TINAG: variants seen among roughly 807,000 people sequenced by gnomAD.
The protein encoded by TINAG is tubulointerstitial nephritis antigen.
In TINAG, 83 loss-of-function variants were observed where a neutral mutation model predicts 72.7. The ratio of observed to expected loss-of-function variants is 1.14; its 90% CI spans 0.96 to 1.37. The LOEUF is 1.37. Among genes scored for constraint, TINAG ranks in the 40% most tolerant of loss-of-function variants. TINAG has a pLI of 0.00. For synonymous variants in TINAG, 234 were observed against 189.9 expected, an observed-to-expected ratio of 1.23 and a Z score of -1.91; for missense variants, 685 against 576.6, an observed-to-expected ratio of 1.19 and a Z score of -1.93.
chr6:54,341,265 C>T (rs1361784358), intron 4 of TINAG, among the ~76,000 whole-genome samples: 1 of 152,084 alleles, frequency 6.6e-6, no homozygotes, highest in Non-Finnish European at 1.5e-5. Context: ...TCTGCCTCAG[C>T]TAGGAAGGCA....
intron 1 of TINAG, among the ~76,000 whole-genome samples, chr6:54,316,148 A>G (rs1376896942): frequency 6.6e-6 from 1 of 152,172 alleles, no homozygotes. Context: ...TCTGTTACCT[A>G]TACAGTGGCT....
intron 7 of TINAG, among the ~76,000 whole-genome samples, chr6:54,350,296 GAA>G (rs898179913): frequency 1.3e-5 from 2 of 151,854 alleles, no homozygotes; most frequent in Non-Finnish European, 2.9e-5. Flanking sequence ...GGGTCTAATA[GAA>G]AAAAGAGTCC....
At chr6:54,384,216 T>A (rs1490537889) in intron 10 of TINAG, among the ~76,000 whole-genome samples, 1 of 151,882 alleles carries the variant, frequency 6.6e-6, no homozygotes, top group African/African-American at 2.4e-5. Flanking sequence ...GGTGGGGGGC[T>A]AGGAGAGGGA....
chr6:54,345,800 A>G (rs543632141), intron 5 of TINAG, among the ~76,000 whole-genome samples: 9 of 152,196 alleles, frequency 5.9e-5, no homozygotes, highest in Non-Finnish European at 1.0e-4. Flanking sequence ...CAATTTCCCT[A>G]AAGCATTGTA....
At chr6:54,319,600 TA>T (rs1178763579) in intron 1 of TINAG, among the ~76,000 whole-genome samples, 1 of 152,176 alleles carries the variant, frequency 6.6e-6, no homozygotes, top group African/African-American at 2.4e-5. Flanking sequence ...TTTATTACAA[TA>T]TTTTTTGGAA....
At chr6:54,345,021 T>C (rs546368089) in intron 5 of TINAG, among the ~76,000 whole-genome samples, 28 of 152,262 alleles carry the variant, frequency 1.8e-4, no homozygotes, top group African/African-American at 5.5e-4. Context: ...TAAAAACTTA[T>C]GTAATCAAAT....
Position 54,380,518 on chromosome 6 carries a change from A to G in TINAG, c.1251-8A>G, listed in dbSNP as rs1763915172. On this transcript the variant is annotated splice_polypyrimidine_tract_variant and splice_region_variant and intron_variant, in intron 9 of 10. Transcript: ENST00000259782. Reference sequence around the variant, plus strand: ...CATACCAATCTTTATTATTGTTATTAATTGTAGATGGGGCACACTGAGAGG... The same window carrying G: ...CATACCAATCTTTATTATTGTTATTGATTGTAGATGGGGCACACTGAGAGG... 6.2e-7 allele frequency: 1 copy of G among 1,606,330 alleles called. No homozygotes were observed. Among genetic ancestry groups the G allele is most frequent in the Non-Finnish European group, 8.5e-7 (1 of 1,175,630 alleles).
At chr6:54,372,328 T>G (rs1196084769) in intron 9 of TINAG, among the ~76,000 whole-genome samples, 3 of 152,032 alleles carry the variant, frequency 2.0e-5, no homozygotes, top group Non-Finnish European at 2.9e-5. Context: ...CTTCAGATTT[T>G]GGGATGCCTG....
At chr6:54,345,023 TAATCA>T (rs1292274593) in intron 5 of TINAG, among the ~76,000 whole-genome samples, 3 of 152,130 alleles carry the variant, frequency 2.0e-5, no homozygotes, top group African/African-American at 7.2e-5. Flanking sequence ...AAAACTTATG[TAATCA>T]AATCAAATTC....
At chr6:54,335,267 C>T (rs1189528034) in intron 4 of TINAG, among the ~76,000 whole-genome samples, 1 of 152,094 alleles carries the variant, frequency 6.6e-6, no homozygotes, top group Admixed American at 6.6e-5. Context: ...TTTACTGGCT[C>T]CTGGGGATTT....
At position 54,321,336 on chromosome 6, in the gene TINAG, A is replaced by T; in HGVS notation, c.459A>T (p.Val153=). Residue 153 remains valine, a synonymous_variant, in exon 3 of 11, where the codon GTA becomes GTT. Coordinates refer to ENST00000259782, the MANE Select transcript of TINAG (RefSeq NM_014464.4). ...SGQQWKCSQH[V]CLVRSELIEQ... ...AGCAATGGAAATGTTCCCAGCATGT[A>T]TGCCTTGTTCGTTCAGAATTAATTG... 1 of 1,613,886 alleles carries T rather than the reference A, an allele frequency of 6.2e-7. No individual in the cohort carries two copies. The highest frequency in any genetic ancestry group is 8.5e-7 in the Non-Finnish European group (1 of 1,179,858).
At chr6:54,341,459 T>A (rs1463197552) in intron 4 of TINAG, among the ~76,000 whole-genome samples, 1 of 152,236 alleles carries the variant, frequency 6.6e-6, no homozygotes, top group East Asian at 1.9e-4. Context: ...CTGCTTGATG[T>A]TTTTGGCACT....
intron 1 of TINAG, among the ~76,000 whole-genome samples, chr6:54,312,370 G>A (rs1224940898): frequency 6.6e-6 from 1 of 151,956 alleles, no homozygotes; most frequent in Non-Finnish European, 1.5e-5. Context: ...ATTTATTCAT[G>A]AGAGCTCATA....
At chr6:54,380,020 A>T (rs1474501380) in intron 9 of TINAG, among the ~76,000 whole-genome samples, 1 of 152,054 alleles carries the variant, frequency 6.6e-6, no homozygotes, top group Admixed American at 6.6e-5. Flanking sequence ...GTGAGTGAGA[A>T]CATGCAATGT....
At chr6:54,338,619 G>T (rs1239589355) in intron 4 of TINAG, among the ~76,000 whole-genome samples, 1 of 151,176 alleles carries the variant, frequency 6.6e-6, no homozygotes, top group East Asian at 2.0e-4. Flanking sequence ...AGCTACTCGG[G>T]AGGCTGAGGC....
intron 8 of TINAG, among the ~76,000 whole-genome samples, chr6:54,353,772 T>C (rs1343145277): frequency 6.6e-6 from 1 of 151,824 alleles, no homozygotes; most frequent in African/African-American, 2.4e-5. Context: ...TTAAGACAAG[T>C]ATTGTACACA....
chr6:54,370,808 G>A (rs895139932), intron 9 of TINAG, among the ~76,000 whole-genome samples: 1 of 151,986 alleles, frequency 6.6e-6, no homozygotes, highest in Non-Finnish European at 1.5e-5. Flanking sequence ...ATTGAATCAT[G>A]TTGCCTTGTC....
chr6:54,345,387 G>A (rs975096561), intron 5 of TINAG, among the ~76,000 whole-genome samples: 2 of 152,066 alleles, frequency 1.3e-5, no homozygotes, highest in Admixed American at 1.3e-4. Context: ...GATTTTAAAG[G>A]TCACCTTATT....
chr6:54,360,427 G>GATGTTAAA (rs1763188938), intron 9 of TINAG, among the ~76,000 whole-genome samples: 1 of 151,590 alleles, frequency 6.6e-6, no homozygotes, highest in Non-Finnish European at 1.5e-5. Context: ...CAATTTTAGA[G>GATGTTAAA]ATGTTAAAAT....
Sources: gnomAD v4.1 joint callset for allele counts (sites outside exome capture counted in the v4.1 genomes callset) on GRCh38, gnomAD v4.1.1 for gene constraint, MANE v1.5 for transcripts, NCBI Gene and HGNC (gene_info 2026-07-23, HGNC 2026-07-21) for gene names.